CLIP2: variants seen among roughly 807,000 people sequenced by gnomAD.
CLIP2 encodes the protein CAP-Gly domain-containing linker protein 2.
Under a neutral mutation model 111.7 loss-of-function variants are expected in CLIP2, and 41 were observed. That is an observed-to-expected ratio of 0.37 (90% CI 0.29 to 0.48). The LOEUF is 0.48. Among genes scored for constraint, CLIP2 ranks in the 20% least tolerant of loss-of-function variants. CLIP2 has a pLI of 0.99. For missense variants in CLIP2, 1,160 were observed against 1,422.1 expected (o/e 0.82, Z 2.96); for synonymous variants, 660 against 644.2 (o/e 1.02, Z -0.37).
chr7:74,369,934 C>T (rs1478406175), intron 8 of CLIP2, among the ~76,000 whole-genome samples: 1 of 72,152 alleles, frequency 1.4e-5, no homozygotes, highest in East Asian at 4.1e-4. Flanking sequence ...CCAAGGTGGG[C>T]GGATCACGAG....
chr7:74,371,243 C>CAAAAA (rs781898485), intron 8 of CLIP2, among the ~76,000 whole-genome samples: 7 of 61,600 alleles, frequency 1.1e-4, no homozygotes, highest in East Asian at 5.5e-4. Context: ...AACTATGCCT[C>CAAAAA]AAAAAAAAAA....
chr7:74,357,309 C>T lies in CLIP2; in HGVS notation c.1047C>T (p.Arg349=), dbSNP rs2116608260. ...LLTETSSRYA[R]KISGTTALQE... Reference sequence around the variant, plus strand: ...CGGAGACCTCTTCACGCTACGCCCGCAAGATCTCGGGCACCACGGCCTTGC... The same window carrying T: ...CGGAGACCTCTTCACGCTACGCCCGTAAGATCTCGGGCACCACGGCCTTGC... Residue 349 remains arginine (R), a synonymous_variant, in exon 6 of 17, where the codon CGC becomes CGT. Coordinates refer to ENST00000223398, the MANE Select transcript of CLIP2 (RefSeq NM_003388.5). The T allele has an allele frequency of 6.2e-7, 1 of 1,614,096 alleles. No homozygotes were observed. The highest frequency in any genetic ancestry group is 1.1e-5 in the South Asian group (1 of 91,078).
At chr7:74,388,230 G>A (rs1313255595) in intron 12 of CLIP2, among the ~76,000 whole-genome samples, 1 of 152,110 alleles carries the variant, frequency 6.6e-6, no homozygotes, top group Non-Finnish European at 1.5e-5. Flanking sequence ...TACTCAGGAG[G>A]TTGAGGCAGG....
chr7:74,400,519 G>A lies in CLIP2; in HGVS notation c.3030G>A (p.Leu1010=), dbSNP rs782003561. The change falls in exon 15 of 17, where the codon CTG becomes CTA. Residue 1010 remains leucine (L), a synonymous_variant. Coordinates refer to ENST00000223398, the MANE Select transcript of CLIP2 (RefSeq NM_003388.5). ...ACCAGGCTCAGCAGGTGGAGAAGCTGATGGAGGCCATGAGGAGCTGCCCTG... is the reference window on the plus strand; with the variant it reads ...ACCAGGCTCAGCAGGTGGAGAAGCTAATGGAGGCCATGAGGAGCTGCCCTG... ...ALDQAQQVEK[L]MEAMRSCPDK... 6.2e-7 allele frequency: 1 copy of A among 1,606,350 alleles called. No homozygotes were observed. Among genetic ancestry groups the A allele is most frequent in the Non-Finnish European group, 8.5e-7 (1 of 1,176,348 alleles).
In CLIP2 at chr7:74,389,195, C is replaced by T. The variant is rs201465590; in HGVS notation, c.2656C>T (p.Arg886Trp). ...RLEAELETVS[R>W]KTHDASGQLV... ...GGAGGCAGAGCTGGAGACCGTGTCCCGGAAGACCCATGACGCCTCGGGCCA... is the reference window on the plus strand; with the variant it reads ...GGAGGCAGAGCTGGAGACCGTGTCCTGGAAGACCCATGACGCCTCGGGCCA... The change falls in exon 13 of 17, where the codon CGG becomes TGG. Residue 886 changes from arginine to tryptophan, a missense_variant. Physicochemically the swap from Arg to Trp is moderately radical, Grantham distance 101. This residue lies in a region of CLIP2 where 676 missense variants were observed against 777.8 expected (regional missense o/e 0.87). Transcript: ENST00000223398. 85 of 1,613,420 alleles carry T rather than the reference C, an allele frequency of 5.3e-5. No individual in the cohort carries two copies. The highest frequency in any genetic ancestry group is 4.2e-4 in the Admixed American group (25 of 59,930).
intron 1 of CLIP2, among the ~76,000 whole-genome samples, chr7:74,291,606 A>G (rs536521347): frequency 5.9e-5 from 9 of 152,320 alleles, no homozygotes; most frequent in Non-Finnish European, 7.4e-5. Context: ...TAGATGTCCT[A>G]TAAGTGTTGT....
chr7:74,392,425 C>T (rs1791318736), intron 13 of CLIP2, among the ~76,000 whole-genome samples: 1 of 151,586 alleles, frequency 6.6e-6, no homozygotes, highest in South Asian at 2.1e-4. Flanking sequence ...CCCAGCTACT[C>T]AGGAGGCTGC....
In CLIP2 at chr7:74,301,533, C is replaced by T. The variant is rs1554726822; in HGVS notation, c.-68+11799C>T. Among the ~76,000 whole-genome samples, 5 of 149,140 alleles carry T rather than the reference C, an allele frequency of 3.4e-5. 1 individual carries two copies. ...GAGTAGCTGGGATTACAGGCACCCG[C>T]CACAATGCCCGGCTAATTTTTTTTT... is the stretch of plus-strand genomic sequence containing the variant. On this transcript the variant is annotated intron_variant, in intron 1 of 16. Coordinates refer to ENST00000223398, the MANE Select transcript of CLIP2 (RefSeq NM_003388.5).
chr7:74,342,433 G>C (rs1200717526), intron 3 of CLIP2, among the ~76,000 whole-genome samples: 1 of 152,046 alleles, frequency 6.6e-6, no homozygotes, highest in Non-Finnish European at 1.5e-5. Flanking sequence ...TGGGCAGTGG[G>C]GGAAGCCAGG....
chr7:74,364,378 A>G, intron 8 of CLIP2, 63 bp downstream of exon 8: 2 of 1,471,210 alleles, frequency 1.4e-6, no homozygotes, highest in South Asian at 2.4e-5. Context: ...TTGCTAGGGC[A>G]GATGGTTGTG....
At chr7:74,339,763 C>T (rs1212404682) in intron 3 of CLIP2, among the ~76,000 whole-genome samples, 1 of 151,974 alleles carries the variant, frequency 6.6e-6, no homozygotes, top group Non-Finnish European at 1.5e-5. Flanking sequence ...CAGGCATGTA[C>T]TGGAAAAGGC....
chr7:74,351,159 G>A (rs911638470), intron 3 of CLIP2, among the ~76,000 whole-genome samples: 22 of 151,536 alleles, frequency 1.5e-4, no homozygotes, highest in Non-Finnish European at 7.4e-5. Context: ...GAGAAAGAAA[G>A]AGAATAAAAT....
chr7:74,295,985 T>C, intron 1 of CLIP2, among the ~76,000 whole-genome samples: 1 of 108,586 alleles, frequency 9.2e-6, no homozygotes, highest in African/African-American at 4.8e-5. Flanking sequence ...TGAAACCCTG[T>C]CTCCAAAAAA....
intron 3 of CLIP2, among the ~76,000 whole-genome samples, chr7:74,348,167 CA>C (rs112075451): frequency 1.4e-5 from 2 of 146,264 alleles, no homozygotes; most frequent in African/African-American, 5.0e-5. Flanking sequence ...GACTCCATTT[CA>C]AAAAAAAACA....
chr7:74,375,997 ACCT>A lies in CLIP2; in HGVS notation c.1599_1601del (p.Pro534del). 6.2e-7 allele frequency: 1 copy of A among 1,611,826 alleles called. No individual in the cohort carries two copies. Among genetic ancestry groups the A allele is most frequent in the African/African-American group, 1.3e-5 (1 of 75,000 alleles). The stretch of plus-strand genomic sequence containing the variant: ...AGTGCCTGTTGCACTCGGGTCCCCC[ACCT>A]CCGGACCACCCAGACGCCGCCGAGA... On this transcript the variant is annotated inframe_deletion, in exon 10 of 17. Coordinates refer to ENST00000223398, the MANE Select transcript of CLIP2 (RefSeq NM_003388.5).
At chr7:74,391,466 C>T (rs1791290487) in intron 13 of CLIP2, among the ~76,000 whole-genome samples, 1 of 152,126 alleles carries the variant, frequency 6.6e-6, no homozygotes, top group African/African-American at 2.4e-5. Flanking sequence ...TAGATTCAGT[C>T]GATAGACATG....
intron 14 of CLIP2, among the ~76,000 whole-genome samples, chr7:74,399,696 C>G (rs1018106626): frequency 1.3e-5 from 2 of 151,850 alleles, no homozygotes; most frequent in Non-Finnish European, 2.9e-5. Flanking sequence ...TGAGCCACCA[C>G]ACCCTGCTAA....
intron 10 of CLIP2, 107 bp from the exon 11 acceptor site, chr7:74,380,699 C>G (rs1790917098): frequency 1.1e-6 from 1 of 884,430 alleles, no homozygotes; most frequent in African/African-American, 1.7e-5. Flanking sequence ...TGAGGTCCCC[C>G]TTTGTAGGAG....
chr7:74,300,429 A>G lies in CLIP2; in HGVS notation c.-68+10695A>G, dbSNP rs545672437. Among the ~76,000 whole-genome samples the G allele has an allele frequency of 2.1e-4, 31 of 150,240 alleles. 1 individual carries two copies. In the Middle Eastern group the frequency reaches 0.011, roughly 51 times the overall value. ...TTTCTAGGGATAATGGCTCCCATCCATGTTGCTGAAAAAGACATGATTTCA... is the reference window on the plus strand; with the variant it reads ...TTTCTAGGGATAATGGCTCCCATCCGTGTTGCTGAAAAAGACATGATTTCA... On this transcript the variant is annotated intron_variant, in intron 1 of 16. Coordinates refer to ENST00000223398, the MANE Select transcript of CLIP2 (RefSeq NM_003388.5).
Sources: gnomAD v4.1 joint callset for allele counts (sites outside exome capture counted in the v4.1 genomes callset) on GRCh38, gnomAD v4.1.1 for gene constraint, gnomAD v4.1.1 regional missense constraint, MANE v1.5 for transcripts, NCBI Gene and HGNC (gene_info 2026-07-23, HGNC 2026-07-21) for gene names.